Variants in SKAP1 observed in about 807,000 individuals in gnomAD.
SKAP1 encodes src kinase-associated phosphoprotein 1.
In SKAP1, 44 loss-of-function variants were observed where a neutral mutation model predicts 58.5. That is an observed-to-expected ratio of 0.75 (90% CI 0.59 to 0.97). The LOEUF (loss-of-function observed/expected upper bound fraction) is 0.97. Ranked by LOEUF, SKAP1 falls within the 50% of genes least tolerant of loss-of-function variation. The pLI, the probability that SKAP1 is intolerant of heterozygous loss-of-function variation, is 0.00. For missense variants in SKAP1, 390 were observed against 435.2 expected (o/e 0.90, Z 0.92); for synonymous variants, 127 against 149.7 (o/e 0.85, Z 1.11).
At chr17:48,198,454 CAAAAAAAA>C (rs55958821) in intron 4 of SKAP1, among the ~76,000 whole-genome samples, 3 of 49,946 alleles carry the variant, frequency 6.0e-5, no homozygotes, top group South Asian at 1.1e-3. Flanking sequence ...GACTCCGTCT[CAAAAAAAA>C]AAAAAAAAAA....
intron 4 of SKAP1, among the ~76,000 whole-genome samples, chr17:48,303,404 C>T (rs1030110314): frequency 2.0e-5 from 3 of 152,188 alleles, no homozygotes; most frequent in Non-Finnish European, 4.4e-5. Flanking sequence ...TAGTCTTTTA[C>T]CTTAATGCCT....
intron 5 of SKAP1, 96 bp downstream of exon 5, chr17:48,189,327 C>T: frequency 1.0e-6 from 1 of 980,228 alleles, no homozygotes; most frequent in Non-Finnish European, 1.6e-6. Flanking sequence ...TAGCACAGTA[C>T]CGGGCACAGA....
chr17:48,155,411 C>A (rs1441371484), intron 11 of SKAP1, among the ~76,000 whole-genome samples: 2 of 151,750 alleles, frequency 1.3e-5, no homozygotes, highest in African/African-American at 4.8e-5. Flanking sequence ...AGCCACCACG[C>A]CCTGCCAACA....
chr17:48,256,257 T>C (rs1014186803), intron 4 of SKAP1, among the ~76,000 whole-genome samples: 1 of 151,704 alleles, frequency 6.6e-6, no homozygotes, highest in Non-Finnish European at 1.5e-5. Flanking sequence ...GAGAGAAAAA[T>C]TCAAGTAAAT....
intron 1 of SKAP1, among the ~76,000 whole-genome samples, chr17:48,405,787 C>T (rs912030107): frequency 1.3e-4 from 20 of 151,632 alleles, no homozygotes; most frequent in African/African-American, 4.8e-4. Context: ...TGTGAGCCAC[C>T]GTGCCTGGCC....
intron 4 of SKAP1, among the ~76,000 whole-genome samples, chr17:48,223,955 G>A (rs923644209): frequency 1.3e-5 from 2 of 151,366 alleles, no homozygotes; most frequent in Admixed American, 6.6e-5. Context: ...AGAGAAGGCA[G>A]TGTGTATAGA....
At chr17:48,242,251 A>C (rs2065250784) in intron 4 of SKAP1, among the ~76,000 whole-genome samples, 1 of 152,204 alleles carries the variant, frequency 6.6e-6, no homozygotes, top group African/African-American at 2.4e-5. Flanking sequence ...GTGCCTTGGT[A>C]GCCCAGGGAA....
At chr17:48,321,459 G>T (rs1210419598) in intron 4 of SKAP1, among the ~76,000 whole-genome samples, 1 of 151,046 alleles carries the variant, frequency 6.6e-6, no homozygotes, top group Admixed American at 6.6e-5. Flanking sequence ...CTCACTGCAA[G>T]CTCCGTCTTC....
intron 4 of SKAP1, among the ~76,000 whole-genome samples, chr17:48,305,394 C>T (rs952271812): frequency 6.6e-6 from 1 of 152,142 alleles, no homozygotes; most frequent in South Asian, 2.1e-4. Context: ...CATCCATCTA[C>T]GTATTGTCTA....
intron 2 of SKAP1, among the ~76,000 whole-genome samples, chr17:48,392,065 C>T (rs538526378): frequency 4.7e-4 from 72 of 151,952 alleles, no homozygotes; most frequent in Non-Finnish European, 9.0e-4. Flanking sequence ...ACTCTTGCTC[C>T]CAAGAGTTTT....
At chr17:48,156,199 G>A (rs1457047871) in intron 11 of SKAP1, among the ~76,000 whole-genome samples, 1 of 152,224 alleles carries the variant, frequency 6.6e-6, no homozygotes, top group African/African-American at 2.4e-5. Flanking sequence ...CGACCGCCAC[G>A]CTAAAACCAC....
At chr17:48,145,538 C>T (rs982013343) in intron 11 of SKAP1, among the ~76,000 whole-genome samples, 1 of 152,074 alleles carries the variant, frequency 6.6e-6, no homozygotes, top group African/African-American at 2.4e-5. Flanking sequence ...CAGTGGTTTC[C>T]TATTGCTGTT....
chr17:48,245,135 A>C (rs986373772), intron 4 of SKAP1, among the ~76,000 whole-genome samples: 2 of 152,222 alleles, frequency 1.3e-5, no homozygotes, highest in Non-Finnish European at 2.9e-5. Context: ...TGGCAGCTCC[A>C]AAATTATAGA....
At chr17:48,136,767 C>T (rs539726899) in intron 12 of SKAP1, among the ~76,000 whole-genome samples, 24 of 150,116 alleles carry the variant, frequency 1.6e-4, no homozygotes, top group African/African-American at 5.4e-4. Context: ...CTCCGCTTCC[C>T]GGGTTCAAGC....
intron 4 of SKAP1, among the ~76,000 whole-genome samples, chr17:48,266,131 C>T (rs1017868780): frequency 1.3e-5 from 2 of 151,910 alleles, no homozygotes; most frequent in Admixed American, 1.3e-4. Context: ...CACACCCACA[C>T]CTACACACAC....
At chr17:48,223,579 T>C (rs1270683166) in intron 4 of SKAP1, among the ~76,000 whole-genome samples, 1 of 152,218 alleles carries the variant, frequency 6.6e-6, no homozygotes, top group African/African-American at 2.4e-5. Context: ...TATGTATCTA[T>C]ATAAACCAAG....
chr17:48,402,252 G>T (rs901452215), intron 1 of SKAP1, among the ~76,000 whole-genome samples: 30 of 151,552 alleles, frequency 2.0e-4, no homozygotes, highest in Non-Finnish European at 5.9e-5. Context: ...ATAGGATCCA[G>T]AAATTATATT....
At chr17:48,191,624 A>G (rs962940503) in intron 4 of SKAP1, among the ~76,000 whole-genome samples, 1 of 152,254 alleles carries the variant, frequency 6.6e-6, no homozygotes, top group African/African-American at 2.4e-5. Flanking sequence ...TTAAAATGCA[A>G]TCAAAATTAC....
intron 4 of SKAP1, among the ~76,000 whole-genome samples, chr17:48,243,269 T>C (rs1387642970): frequency 6.6e-6 from 1 of 152,172 alleles, no homozygotes; most frequent in Admixed American, 6.5e-5. Context: ...TCAAATTCCC[T>C]GACTTCCCCT....
Sources: gnomAD v4.1 joint callset for allele counts (sites outside exome capture counted in the v4.1 genomes callset) on GRCh38, gnomAD v4.1.1 for gene constraint, MANE v1.5 for transcripts, NCBI Gene and HGNC (gene_info 2026-07-23, HGNC 2026-07-21) for gene names.